The following COL27A1 variants were observed in gnomAD, a reference collection of about 807,000 sequenced individuals.
COL27A1 encodes the protein collagen alpha-1(XXVII) chain.
In COL27A1, 106 loss-of-function variants were observed where a neutral mutation model predicts 251.3. The ratio of observed to expected loss-of-function variants is 0.42; its 90% CI spans 0.36 to 0.50. The LOEUF (loss-of-function observed/expected upper bound fraction) is 0.50, where lower values mean the gene tolerates loss of function less well. Among genes scored for constraint, COL27A1 ranks in the 20% least tolerant of loss-of-function variants. COL27A1 has a pLI of 0.00. For synonymous variants in COL27A1, 1,000 were observed against 986.3 expected (o/e 1.01, Z -0.26); for missense variants, 2,325 against 2,522.8 (o/e 0.92, Z 1.68).
chr9:114,278,945 T>C (rs192929441), intron 37 of COL27A1, among the ~76,000 whole-genome samples: 1 of 152,228 alleles, frequency 6.6e-6, no homozygotes, highest in African/African-American at 2.4e-5. Context: ...AAATATTCAT[T>C]CCGGACCCAC....
rs1834105260 is a variant in COL27A1, at chr9:114,258,556, C to G, written c.3157C>G (p.Arg1053Gly). Residue 1053 changes from arginine to glycine, a missense_variant, in exon 28 of 61, where the codon CGA becomes GGA. Arg to Gly is a moderately radical substitution (Grantham distance 125). Around this residue, in one of 4 missense-constraint regions of COL27A1, gnomAD observed 662 missense variants for 795.3 expected, o/e 0.83. Transcript: ENST00000356083. Reference sequence around the variant, plus strand: ...CTCTTCCCAGGGTCCTCCAGGATCTCGAGGCCCACCAGGCATGAGGGGAGC... The same window carrying G: ...CTCTTCCCAGGGTCCTCCAGGATCTGGAGGCCCACCAGGCATGAGGGGAGC... ...EPGPQGPPGSRGPPGMRGAKG... is the reference protein window; with the variant it reads ...EPGPQGPPGSGGPPGMRGAKG... The G allele has an allele frequency of 1.2e-6, 2 of 1,613,962 alleles. No homozygotes were observed. Among genetic ancestry groups the G allele is most frequent in the Admixed American group, 1.7e-5 (1 of 59,996 alleles).
intron 11 of COL27A1, among the ~76,000 whole-genome samples, 159 bp downstream of exon 11, chr9:114,209,887 G>A (rs1190620033): frequency 6.6e-6 from 1 of 152,224 alleles, no homozygotes; most frequent in Non-Finnish European, 1.5e-5. Flanking sequence ...CAAGGCAGAT[G>A]CATTCCAGGC....
chr9:114,307,888 T>A, intron 59 of COL27A1, 110 bp downstream of exon 59: 1 of 708,822 alleles, frequency 1.4e-6, no homozygotes, highest in South Asian at 1.8e-5. Context: ...TCTTACTGCA[T>A]GCCCTTGGGA....
chr9:114,276,662 C>T (rs1835528845), intron 37 of COL27A1, among the ~76,000 whole-genome samples: 1 of 152,168 alleles, frequency 6.6e-6, no homozygotes, highest in African/African-American at 2.4e-5. Context: ...TAAGAGGTGA[C>T]CAAAGTCTGT....
chr9:114,265,284 C>T (rs1834659868), intron 31 of COL27A1, 138 bp from the exon 32 acceptor site: 1 of 1,099,246 alleles, frequency 9.1e-7, no homozygotes, highest in Non-Finnish European at 1.3e-6. Context: ...ATCCTCTCTT[C>T]TCTGGGTCTC....
At chr9:114,165,874 C>T (rs1385747045) in intron 2 of COL27A1, among the ~76,000 whole-genome samples, 1 of 151,220 alleles carries the variant, frequency 6.6e-6, no homozygotes, top group African/African-American at 2.4e-5. Context: ...ATCAATCCAT[C>T]CACCAATTCA....
At chr9:114,236,751 G>A (rs367700445) in intron 17 of COL27A1, among the ~76,000 whole-genome samples, 1 of 152,272 alleles carries the variant, frequency 6.6e-6, no homozygotes, top group African/African-American at 2.4e-5. Flanking sequence ...ATTCTTCCTG[G>A]TGAGGACAGG....
At chr9:114,167,534 C>T (rs1359212038) in intron 2 of COL27A1, among the ~76,000 whole-genome samples, 155 bp from the exon 3 acceptor site, 1 of 152,222 alleles carries the variant, frequency 6.6e-6, no homozygotes, top group African/African-American at 2.4e-5. Flanking sequence ...CTCTCAGCCA[C>T]CACCATGGGG....
chr9:114,219,204 C>T (rs994359758), intron 12 of COL27A1, among the ~76,000 whole-genome samples: 15 of 152,154 alleles, frequency 9.9e-5, no homozygotes, highest in South Asian at 2.1e-4. Context: ...CTGCCTGGGC[C>T]GGGCAGCTCA....
At chr9:114,233,203 T>G (rs7875159) in intron 16 of COL27A1, among the ~76,000 whole-genome samples, 111,169 of 152,154 alleles carry the variant, frequency 0.73, 41,281 homozygotes, top group South Asian at 0.86. Flanking sequence ...ATTTCACAGT[T>G]CCTACGTCTC....
At position 114,169,005 on chromosome 9, in the gene COL27A1, T is replaced by C. The variant is rs1179572837; in HGVS notation, c.1450T>C (p.Phe484Leu). 6.2e-7 allele frequency: 1 copy of C among 1,614,042 alleles called. No homozygotes were observed. Among genetic ancestry groups the C allele is most frequent in the Non-Finnish European group, 8.5e-7 (1 of 1,180,002 alleles). The change falls in exon 3 of 61, where the codon TTT (phenylalanine) becomes CTT (leucine). Residue 484 changes from phenylalanine to leucine, a missense_variant. By Grantham distance (22) the Phe-to-Leu change is conservative. Around this residue, in one of 4 missense-constraint regions of COL27A1, gnomAD observed 1,183 missense variants for 1,144.1 expected, o/e 1.03. Transcript: ENST00000356083. ...CACCAGCACCCACAAACCTCCCCCA[T>C]TTACTGCTTTATCCTCATCTCCTGC... ...ARTSTHKPPPFTALSSSPAPT... is the reference protein window; with the variant it reads ...ARTSTHKPPPLTALSSSPAPT...
chr9:114,215,123 A>G (rs560492361), intron 12 of COL27A1, among the ~76,000 whole-genome samples: 25 of 152,374 alleles, frequency 1.6e-4, no homozygotes, highest in Non-Finnish European at 2.8e-4. Context: ...CCTAAAGCTT[A>G]GAGCTGGAAG....
chr9:114,299,097 A>G (rs1564584894), intron 49 of COL27A1, among the ~76,000 whole-genome samples: 1 of 152,126 alleles, frequency 6.6e-6, no homozygotes, highest in African/African-American at 2.4e-5. Context: ...AACAGGTAGA[A>G]TTTAGATTAA....
At position 114,237,671 on chromosome 9, in the gene COL27A1, G is replaced by T; in HGVS notation, c.2683G>T (p.Gly895Ter). 3.7e-6 allele frequency: 6 copies of T among 1,614,080 alleles called. No homozygotes were observed. Among genetic ancestry groups the T allele is most frequent in the Non-Finnish European group, 5.1e-6 (6 of 1,179,978 alleles). The change falls in exon 19 of 61, where the codon GGA (glycine) becomes TGA (stop). Residue 895 changes from glycine to a stop codon, truncating the protein, a stop_gained. Transcript: ENST00000356083. LOFTEE classifies it high-confidence loss of function. ...RGKPGPLGKV[G>*]DKGSIGFPGP... ...CTCTTCTCTTCCACAGGGCAAAGTC[G>T]GAGACAAAGGATCCATTGGGTTTCC...
chr9:114,272,602 C>T (rs1180660020), intron 36 of COL27A1: 2 of 152,256 alleles, frequency 1.3e-5, no homozygotes, highest in African/African-American at 4.8e-5. Flanking sequence ...TATCTCTTCG[C>T]TGATGTCCAG....
chr9:114,243,023 C>T (rs979976575), intron 22 of COL27A1, among the ~76,000 whole-genome samples: 1 of 152,176 alleles, frequency 6.6e-6, no homozygotes, highest in African/African-American at 2.4e-5. Context: ...CGCCATGCAG[C>T]CTCGGGAAGA....
intron 3 of COL27A1, among the ~76,000 whole-genome samples, chr9:114,174,835 T>G (rs1045175762): frequency 6.6e-6 from 1 of 152,172 alleles, no homozygotes; most frequent in Non-Finnish European, 1.5e-5. Flanking sequence ...GGGTGCCCTG[T>G]GTGAATTCTT....
Position 114,168,555 on chromosome 9 carries a change from G to A in COL27A1, c.1000G>A (p.Asp334Asn), listed in dbSNP as rs1165014290. 1 of 1,613,902 alleles carries A rather than the reference G, an allele frequency of 6.2e-7. No homozygotes were observed. The highest frequency in any genetic ancestry group is 8.5e-7 in the Non-Finnish European group (1 of 1,179,950). Reference protein sequence around the residue: ...PAKLSASNALDPMLPASVGGS... With the variant: ...PAKLSASNALNPMLPASVGGS... ...CAAGCTGTCAGCCAGTAACGCACTT[G>A]ATCCCATGCTCCCAGCCTCTGTTGG... Residue 334 changes from aspartate (D) to asparagine (N), a missense_variant, in exon 3 of 61, where the codon GAT becomes AAT. By Grantham distance (23) the Asp-to-Asn change is conservative (BLOSUM62 1). Around this residue, in one of 4 missense-constraint regions of COL27A1, gnomAD observed 1,183 missense variants for 1,144.1 expected, o/e 1.03. Transcript: ENST00000356083.
At chr9:114,160,592 A>T (rs1198155115) in intron 1 of COL27A1, among the ~76,000 whole-genome samples, 3 of 150,360 alleles carry the variant, frequency 2.0e-5, no homozygotes, top group African/African-American at 7.4e-5. Context: ...AATCTCAGCT[A>T]CTCGGGAGGC....
Sources: gnomAD v4.1 joint callset for allele counts (sites outside exome capture counted in the v4.1 genomes callset) on GRCh38, gnomAD v4.1.1 for gene constraint, gnomAD v4.1.1 regional missense constraint, MANE v1.5 for transcripts, NCBI Gene and HGNC (gene_info 2026-07-23, HGNC 2026-07-21) for gene names.